The following PALS2 variants were observed in gnomAD, a reference collection of about 807,000 sequenced individuals.
PALS2 encodes the protein protein PALS2.
In PALS2, 27 loss-of-function variants were observed where a neutral mutation model predicts 61.6. That is an observed-to-expected ratio of 0.44 (90% confidence interval 0.32 to 0.60). The LOEUF is 0.60. PALS2 is among the 20% of genes least tolerant of loss of function. The probability of loss-of-function intolerance (pLI) is 0.05; values close to 1 mark genes in which losing one functional copy is unlikely to be tolerated. For synonymous variants in PALS2, 236 were observed against 218.6 expected, an observed-to-expected ratio of 1.08 and a Z score of -0.70; for missense variants, 554 against 639.4, an observed-to-expected ratio of 0.87 and a Z score of 1.44.
chr7:24,681,133 T>C (rs1213764217), intron 11 of PALS2, among the ~76,000 whole-genome samples: 1 of 152,202 alleles, frequency 6.6e-6, no homozygotes, highest in Non-Finnish European at 1.5e-5. Context: ...TCCGAGATCA[T>C]TAACAGGCAT....
At chr7:24,595,263 A>T (rs1194007833) in intron 1 of PALS2, among the ~76,000 whole-genome samples, 1 of 151,256 alleles carries the variant, frequency 6.6e-6, no homozygotes, top group Non-Finnish European at 1.5e-5. Flanking sequence ...GACCAGATTT[A>T]GGAAGTAACA....
chr7:24,577,161 G>A (rs1583818043), intron 1 of PALS2, among the ~76,000 whole-genome samples: 1 of 151,866 alleles, frequency 6.6e-6, no homozygotes, highest in African/African-American at 2.4e-5. Flanking sequence ...TATTCACAGA[G>A]TAATGAACAG....
chr7:24,686,844 A>G (rs1188900953), intron 11 of PALS2, among the ~76,000 whole-genome samples: 1 of 152,222 alleles, frequency 6.6e-6, no homozygotes, highest in Admixed American at 6.5e-5. Context: ...TGTACTCCCC[A>G]CATCATTCCA....
At chr7:24,620,594 A>AG (rs1784460613) in intron 1 of PALS2, among the ~76,000 whole-genome samples, 1 of 152,178 alleles carries the variant, frequency 6.6e-6, no homozygotes, top group African/African-American at 2.4e-5. Flanking sequence ...TGAAAAAAAA[A>AG]CAAGCACTTC....
chr7:24,592,777 T>A (rs1046587817), intron 1 of PALS2, among the ~76,000 whole-genome samples: 1 of 152,130 alleles, frequency 6.6e-6, no homozygotes, highest in African/African-American at 2.4e-5. Flanking sequence ...CATACCTTGA[T>A]TTAAAAATAC....
rs759478570 is a variant in PALS2, at chr7:24,668,562, A to G, written c.1016A>G (p.Lys339Arg). Residue 339 changes from lysine to arginine, a missense_variant, in exon 9 of 12, where the codon AAA becomes AGA. Physicochemically the swap from Lys to Arg is conservative, Grantham distance 26 (BLOSUM62 2). Transcript: ENST00000222644. Reference protein sequence around the residue: ...EVAKMPPFQRKTLVLIGAQGV... With the variant: ...EVAKMPPFQRRTLVLIGAQGV... ...GCCAAAATGCCTCCCTTCCAGAGAA[A>G]AACATTAGTATTGATAGGAGCTCAA... 6.2e-7 allele frequency: 1 copy of G among 1,613,852 alleles called. No individual in the cohort carries two copies. The highest frequency in any genetic ancestry group is 8.5e-7 in the Non-Finnish European group (1 of 1,179,828).
intron 10 of PALS2, among the ~76,000 whole-genome samples, chr7:24,679,548 G>A (rs1210186114): frequency 6.6e-6 from 1 of 152,022 alleles, no homozygotes; most frequent in Non-Finnish European, 1.5e-5. Flanking sequence ...GGTGGCAATA[G>A]AAACTGTGTG....
At chr7:24,623,963 T>C (rs1202777018) in intron 2 of PALS2, 179 bp downstream of exon 2, 1 of 1,060,844 alleles carries the variant, frequency 9.4e-7, no homozygotes, top group African/African-American at 1.6e-5. Flanking sequence ...TTTTCTCTTT[T>C]CTACTCTGAC....
chr7:24,610,055 A>G (rs1784058959), intron 1 of PALS2, among the ~76,000 whole-genome samples: 1 of 152,084 alleles, frequency 6.6e-6, no homozygotes, highest in Admixed American at 6.6e-5. Flanking sequence ...CATGTTCTTA[A>G]CACCCCACCA....
rs1296399970 is a variant in PALS2 at position 24,641,651 on chromosome 7, TA to T, written c.118-62del. 5 of 1,369,410 alleles carry T rather than the reference TA, an allele frequency of 3.7e-6. No individual in the cohort carries two copies. In the African/African-American group the frequency reaches 7.4e-5, roughly 20 times the overall value. The allele number at this position is 1,369,410 out of a possible 1,614,324, so 84.8% of individuals were successfully genotyped here. A position where few individuals can be genotyped will look rare whatever the true frequency, so the allele number is the denominator to read the frequency against. ...ATTTTAAAACTTTACGAAAAAGAAA[TA>T]AACCATGGTCTGGTGCAAATAACAA... On this transcript the variant is annotated intron_variant, in intron 2 of 11. Coordinates refer to ENST00000222644, the MANE Select transcript of PALS2 (RefSeq NM_001303037.2).
Position 24,692,986 on chromosome 7 carries a change from CTCAG to C in PALS2, c.*5376_*5379del, listed in dbSNP as rs1238555958. On this transcript the variant is annotated 3_prime_UTR_variant, in exon 12 of 12. Transcript: ENST00000222644. Reference sequence around the variant, plus strand: ...TTTAGTTATTACTTTGTAATTGCTTCTCAGTCATTGGCTGATAATGCAATGGTGT... The same window carrying C: ...TTTAGTTATTACTTTGTAATTGCTTCTCATTGGCTGATAATGCAATGGTGT... 1 of 152,196 alleles carries C rather than the reference CTCAG, an allele frequency of 6.6e-6. No homozygotes were observed. The highest frequency in any genetic ancestry group is 1.5e-5 in the Non-Finnish European group (1 of 68,010). The allele number at this position is 152,196 out of a possible 1,614,324, so 9.4% of individuals were successfully genotyped here.
At chr7:24,631,337 A>C (rs774238805) in intron 2 of PALS2, among the ~76,000 whole-genome samples, 1 of 152,146 alleles carries the variant, frequency 6.6e-6, no homozygotes. Flanking sequence ...ACTTTAGAAG[A>C]CAAGAAAACA....
At chr7:24,597,323 A>G (rs1783561013) in intron 1 of PALS2, 1 of 152,204 alleles carries the variant, frequency 6.6e-6, no homozygotes, top group South Asian at 2.1e-4. Flanking sequence ...TCTGTCCTTA[A>G]ATAGAATGAA....
chr7:24,665,703 C>A lies in PALS2; in HGVS notation c.883+16C>A. 6.3e-7 allele frequency: 1 copy of A among 1,598,104 alleles called. No homozygotes were observed. The highest frequency in any genetic ancestry group is 8.6e-7 in the Non-Finnish European group (1 of 1,165,866). Reference sequence around the variant, plus strand: ...GACAATTCAGGTGATGAGCTCGACACAATAAGTAACAAGCAGTCCTTTGTG... The same window carrying A: ...GACAATTCAGGTGATGAGCTCGACAAAATAAGTAACAAGCAGTCCTTTGTG... On this transcript the variant is annotated intron_variant, in intron 7 of 11. Transcript: ENST00000222644.
At chr7:24,649,930 G>C (rs1331838831) in intron 4 of PALS2, among the ~76,000 whole-genome samples, 166 bp downstream of exon 4, 1 of 151,984 alleles carries the variant, frequency 6.6e-6, no homozygotes, top group East Asian at 1.9e-4. Context: ...ACTTGGTTTA[G>C]CCTGCAAAAT....
intron 1 of PALS2, among the ~76,000 whole-genome samples, chr7:24,617,644 G>C (rs1308864685): frequency 1.3e-5 from 2 of 152,316 alleles, no homozygotes; most frequent in African/African-American, 2.4e-5. Context: ...AGTGATGTTT[G>C]TAAGTGTTTC....
rs1185637817 is a variant in PALS2 at position 24,693,422 on chromosome 7, T to G, written c.*5808T>G. 1 of 152,118 alleles carries G rather than the reference T, an allele frequency of 6.6e-6. No individual in the cohort carries two copies. Among genetic ancestry groups the G allele is most frequent in the Non-Finnish European group, 1.5e-5 (1 of 67,984 alleles). The allele number at this position is 152,118 out of a possible 1,614,324, so 9.4% of individuals were successfully genotyped here. ...CTAAAACAGGAAAAAAGCATACTCA[T>G]CTGATGTAAAAACTCATCAGCTGTA... On this transcript the variant is annotated 3_prime_UTR_variant, in exon 12 of 12. Transcript: ENST00000222644.
chr7:24,582,812 T>C (rs73077831), intron 1 of PALS2, among the ~76,000 whole-genome samples: 5 of 149,468 alleles, frequency 3.3e-5, no homozygotes, highest in African/African-American at 7.3e-5. Context: ...AGCTTTGATA[T>C]AAGAAACTCA....
At chr7:24,638,133 T>C (rs1785329513) in intron 2 of PALS2, among the ~76,000 whole-genome samples, 1 of 151,818 alleles carries the variant, frequency 6.6e-6, no homozygotes, top group African/African-American at 2.4e-5. Context: ...GAATTAGAGG[T>C]TCCAAGTTTT....
Sources: gnomAD v4.1 joint callset for allele counts (sites outside exome capture counted in the v4.1 genomes callset) on GRCh38, gnomAD v4.1.1 for gene constraint, MANE v1.5 for transcripts, NCBI Gene and HGNC (gene_info 2026-07-23, HGNC 2026-07-21) for gene names.